Variants in TWIST2 observed in about 807,000 individuals in gnomAD.
TWIST2 encodes twist-related protein 2.
TWIST2 carries 1 observed loss-of-function variant against 11.6 expected under a neutral mutation model. The observed-to-expected ratio is 0.09, with a 90% CI of 0.03 to 0.41. The LOEUF (loss-of-function observed/expected upper bound fraction) is 0.41, where lower values mean the gene tolerates loss of function less well. Ranked by LOEUF, TWIST2 falls within the 10% of genes least tolerant of loss-of-function variation. The probability of loss-of-function intolerance (pLI) is 0.98; values close to 1 mark genes in which losing one functional copy is unlikely to be tolerated. For missense variants in TWIST2, 168 were observed against 226.4 expected (o/e 0.74, Z 1.66); for synonymous variants, 87 against 96.6 (o/e 0.90, Z 0.58).
At chr2:238,871,563 C>CACACACACCCCACTCTG (rs1191862398) in intron 1 of TWIST2, among the ~76,000 whole-genome samples, 1 of 121,942 alleles carries the variant, frequency 8.2e-6, no homozygotes, top group East Asian at 3.0e-4. Flanking sequence ...CCACACACCA[C>CACACACACCCCACTCTG]ACACACACCC....
intron 1 of TWIST2, among the ~76,000 whole-genome samples, chr2:238,896,981 G>A (rs1206939636): frequency 6.6e-6 from 1 of 152,176 alleles, no homozygotes; most frequent in African/African-American, 2.4e-5. Flanking sequence ...GTGAAGGAGT[G>A]AGGGCAACCT....
chr2:238,894,798 C>T (rs1693188629), intron 1 of TWIST2, among the ~76,000 whole-genome samples: 2 of 152,184 alleles, frequency 1.3e-5, no homozygotes, highest in African/African-American at 4.8e-5. Context: ...AATTCTGTGA[C>T]GAGCTCTCCA....
At chr2:238,891,280 T>A (rs1693127899) in intron 1 of TWIST2, among the ~76,000 whole-genome samples, 2 of 152,158 alleles carry the variant, frequency 1.3e-5, no homozygotes, top group East Asian at 1.9e-4. Flanking sequence ...CTGGTAAACC[T>A]CTCTCAGTGG....
rs1161795161 is a variant in TWIST2, at chr2:238,863,139, G to A, written c.*35+14406G>A. Among the ~76,000 whole-genome samples, 1 of 151,750 alleles carries A rather than the reference G, an allele frequency of 6.6e-6. No homozygotes were observed. Among genetic ancestry groups the A allele is most frequent in the East Asian group, 1.9e-4 (1 of 5,184 alleles). ...AGGTGCCCAGTGCTTTGTAAAGATA[G>A]TGTGGCAGGCACATGCTGACCGACC... On this transcript the variant is annotated intron_variant, in intron 1 of 1. Coordinates refer to ENST00000612363, the MANE Select transcript of TWIST2 (RefSeq NM_001271893.4). This position sits in a 1 kb window ranked among gnomAD's most constrained non-coding sequence, Gnocchi z 4.7.
intron 1 of TWIST2, among the ~76,000 whole-genome samples, chr2:238,880,161 TG>T (rs1315965651): frequency 6.6e-6 from 1 of 152,168 alleles, no homozygotes; most frequent in Non-Finnish European, 1.5e-5. Context: ...TAGTATTTAT[TG>T]GTATTGGTGT....
intron 1 of TWIST2, among the ~76,000 whole-genome samples, chr2:238,865,248 A>G (rs188051537): frequency 2.2e-4 from 33 of 152,286 alleles, no homozygotes; most frequent in African/African-American, 7.7e-4. Context: ...AGCCAGTCCA[A>G]TTATCTAAAA....
rs776538048 is a variant in TWIST2 at position 238,870,122 on chromosome 2, CCCCA to C, written c.*35+21391_*35+21394del. Among the ~76,000 whole-genome samples, 71 of 122,082 alleles carry C rather than the reference CCCCA, an allele frequency of 5.8e-4. 2 individuals are homozygous for C. The highest frequency in any genetic ancestry group is 3.8e-3 in the Middle Eastern group (1 of 262). The allele number at this position is 122,082 out of a possible 152,430, so 80.1% of individuals were successfully genotyped here. On this transcript the variant is annotated intron_variant, in intron 1 of 1. Transcript: ENST00000612363. ...TGTGTACACAGACACACCATACACCCCCCACACACACACCACACCCCATACACAC... is the reference window on the plus strand; with the variant it reads ...TGTGTACACAGACACACCATACACCCCACACACACCACACCCCATACACAC...
intron 1 of TWIST2, among the ~76,000 whole-genome samples, chr2:238,872,845 C>T (rs908442969): frequency 6.6e-6 from 1 of 152,178 alleles, no homozygotes; most frequent in African/African-American, 2.4e-5. Flanking sequence ...GATGGTTTTG[C>T]GTAGCTGGTA....
At chr2:238,894,019 G>C (rs1011551871) in intron 1 of TWIST2, among the ~76,000 whole-genome samples, 1 of 152,084 alleles carries the variant, frequency 6.6e-6, no homozygotes, top group Non-Finnish European at 1.5e-5. Flanking sequence ...CTAAATATCT[G>C]CCTCCTCCAG....
chr2:238,865,810 C>A (rs988786565), intron 1 of TWIST2, among the ~76,000 whole-genome samples: 4 of 152,098 alleles, frequency 2.6e-5, no homozygotes, highest in Non-Finnish European at 5.9e-5. Context: ...TTTAGATGCT[C>A]TGTGTAGGTA....
intron 1 of TWIST2, among the ~76,000 whole-genome samples, chr2:238,894,305 C>T (rs969662947): frequency 3.9e-5 from 6 of 152,164 alleles, no homozygotes; most frequent in Non-Finnish European, 8.8e-5. Flanking sequence ...GTCTTGTTGC[C>T]CCCGAGATGA....
At chr2:238,908,110 C>T (rs1395027873) in intron 1 of TWIST2, among the ~76,000 whole-genome samples, 1 of 150,432 alleles carries the variant, frequency 6.6e-6, no homozygotes, top group African/African-American at 2.5e-5. Context: ...CACAGACATA[C>T]CACATACACA....
intron 1 of TWIST2, among the ~76,000 whole-genome samples, chr2:238,905,950 CGTGTGTACGTGT>C (rs1693345067): frequency 3.3e-4 from 40 of 119,460 alleles, no homozygotes; most frequent in Admixed American, 8.3e-4. Flanking sequence ...TGTGCGCGCG[CGTGTGTACGTGT>C]GCGTGTGTGT....
intron 1 of TWIST2, among the ~76,000 whole-genome samples, chr2:238,908,050 C>G (rs1693385624): frequency 6.6e-6 from 1 of 150,820 alleles, no homozygotes; most frequent in Admixed American, 6.6e-5. Flanking sequence ...CCCACATACA[C>G]ACACAAAGTC....
chr2:238,852,180 T>G (rs1337190564), intron 1 of TWIST2, among the ~76,000 whole-genome samples: 1 of 152,210 alleles, frequency 6.6e-6, no homozygotes. Flanking sequence ...AAACTCTTTC[T>G]GAGCAGAGCA....
intron 1 of TWIST2, among the ~76,000 whole-genome samples, chr2:238,893,227 T>A (rs1331005967): frequency 3.9e-5 from 6 of 152,356 alleles, no homozygotes; most frequent in African/African-American, 1.4e-4. Flanking sequence ...GCTTATTTTA[T>A]CAGAGGCATT....
At chr2:238,887,189 C>T (rs928937388) in intron 1 of TWIST2, 5 of 151,960 alleles carry the variant, frequency 3.3e-5, no homozygotes, top group South Asian at 2.1e-4. Context: ...GAGGGGCGCC[C>T]GGTAATAACC....
At position 238,910,344 on chromosome 2, in the gene TWIST2, TCTTA is replaced by T; in HGVS notation, c.*542_*545del. 6.6e-6 allele frequency: 1 copy of T among 152,304 alleles called. No individual in the cohort carries two copies. Among genetic ancestry groups the T allele is most frequent in the East Asian group, 1.9e-4 (1 of 5,176 alleles). The allele number at this position is 152,304 out of a possible 1,614,324, so 9.4% of individuals were successfully genotyped here. On this transcript the variant is annotated 3_prime_UTR_variant, in exon 2 of 2. Transcript: ENST00000612363. ...TGATTGTTTCAAGTCAGCCTGGAAT[TCTTA>T]CTTTCACGCCGCTATTCTTTTCCTT...
intron 1 of TWIST2, among the ~76,000 whole-genome samples, chr2:238,892,815 C>T (rs1211939637): frequency 3.9e-5 from 6 of 152,174 alleles, no homozygotes; most frequent in South Asian, 2.1e-4. Context: ...CCACCACAGG[C>T]CTCTACTAGC....
Sources: allele counts gnomAD v4.1 joint callset (sites outside exome capture counted in the v4.1 genomes callset), GRCh38; gene constraint gnomAD v4.1.1; non-coding constraint Gnocchi (gnomAD v3.1); transcripts MANE v1.5; gene names NCBI Gene and HGNC (gene_info 2026-07-23, HGNC 2026-07-21).